Variants in GANC observed in about 807,000 individuals in gnomAD.
GANC encodes the protein neutral alpha-glucosidase C.
In GANC, 117 loss-of-function variants were observed where a neutral mutation model predicts 124.2. The observed-to-expected ratio is 0.94, with a 90% CI of 0.81 to 1.10. The LOEUF (loss-of-function observed/expected upper bound fraction) is 1.10. Among genes scored for constraint, GANC ranks in the 50% least tolerant of loss-of-function variants. The pLI is 0.00. For missense variants in GANC, 1,140 were observed against 1,095.0 expected, an observed-to-expected ratio of 1.04 and a Z score of -0.58; for synonymous variants, 377 against 376.8, an observed-to-expected ratio of 1.00 and a Z score of -0.01.
chr15:42,340,759 G>A lies in GANC; in HGVS notation c.2152+5G>A, dbSNP rs201353813. 7.4e-5 allele frequency: 116 copies of A among 1,567,932 alleles called. No individual in the cohort carries two copies. The Admixed American group carries it at 1.1e-3, about 14-fold the overall frequency. On this transcript the variant is annotated splice_donor_5th_base_variant and intron_variant, in intron 18 of 23. Coordinates refer to ENST00000318010, the MANE Select transcript of GANC (RefSeq NM_198141.3). ...TGGAAGATGAATACATGCTGGGTGA[G>A]CATTTCTGTTTTTTTTTTTTTTTTT...
At chr15:42,349,621 T>G (rs1337410592) in intron 22 of GANC, 126 bp downstream of exon 22, 4 of 649,436 alleles carry the variant, frequency 6.2e-6, no homozygotes, top group Non-Finnish European at 1.1e-5. Flanking sequence ...GAAGGCCGTT[T>G]CCGGAATATT....
chr15:42,299,236 C>A (rs1046443720), intron 6 of GANC, among the ~76,000 whole-genome samples: 1 of 152,046 alleles, frequency 6.6e-6, no homozygotes, highest in South Asian at 2.1e-4. Flanking sequence ...GAGATATGTT[C>A]CATCAATATG....
intron 15 of GANC, among the ~76,000 whole-genome samples, chr15:42,337,575 G>A (rs1465861447): frequency 1.3e-5 from 2 of 152,148 alleles, no homozygotes; most frequent in South Asian, 2.1e-4. Context: ...AGGGTGGGAA[G>A]AGGAAGAGGA....
chr15:42,350,757 T>C (rs747012708), intron 22 of GANC, among the ~76,000 whole-genome samples: 2 of 151,684 alleles, frequency 1.3e-5, no homozygotes, highest in Non-Finnish European at 2.9e-5. Context: ...GGTTTCGTCA[T>C]GTTGGGCAGG....
rs758002876 is a variant in GANC at position 42,349,406 on chromosome 15, T to A, written c.2442T>A (p.Tyr814Ter). 8 of 1,612,444 alleles carry A rather than the reference T, an allele frequency of 5.0e-6. No homozygotes were observed. Among genetic ancestry groups the A allele is most frequent in the Non-Finnish European group, 6.8e-6 (8 of 1,178,582 alleles). The change falls in exon 22 of 24, where the codon TAT (tyrosine) becomes TAA (stop). Residue 814 changes from tyrosine to a stop codon, truncating the protein, a stop_gained. Transcript: ENST00000318010. LOFTEE classifies it high-confidence loss of function. Reference protein sequence around the residue: ...STKGSSVGELYLDDGHSFQYL... With the variant: ...STKGSSVGEL The stretch of plus-strand genomic sequence containing the variant: ...AGGGTTCTTCAGTGGGTGAGTTATA[T>A]CTTGATGATGGCCATTCATTCCAAT...
intron 6 of GANC, among the ~76,000 whole-genome samples, chr15:42,300,023 C>G (rs1056829710): frequency 6.6e-6 from 1 of 152,062 alleles, no homozygotes; most frequent in Non-Finnish European, 1.5e-5. Context: ...AGAAGAAAAC[C>G]TAGACAATAC....
In GANC at chr15:42,340,847, A is replaced by G. The variant is rs145194644; in HGVS notation, c.2152+93A>G. The G allele has an allele frequency of 1.6e-3, 1,529 of 942,832 alleles. 27 individuals carry two copies. The East Asian group carries it at 0.032, about 20-fold the overall frequency. 58.4% of individuals were successfully genotyped at this position (942,832 alleles called of 1,614,324 possible). A position where few individuals can be genotyped will look rare whatever the true frequency, so the allele number is the denominator to read the frequency against. On this transcript the variant is annotated intron_variant, in intron 18 of 23. Transcript: ENST00000318010. Reference sequence around the variant, plus strand: ...AGTGATGCTATCTCGGCTCACTGCAACCTCCGCCTCCCGGTTTCAAGAAAT... The same window carrying G: ...AGTGATGCTATCTCGGCTCACTGCAGCCTCCGCCTCCCGGTTTCAAGAAAT...
intron 22 of GANC, among the ~76,000 whole-genome samples, chr15:42,350,460 A>G (rs753366227): frequency 1.3e-5 from 2 of 151,888 alleles, no homozygotes; most frequent in Non-Finnish European, 2.9e-5. Context: ...CACATTTGTA[A>G]CTTTTGTGTT....
rs374934765 is a variant in GANC, at chr15:42,273,234, G to T, written c.-1248G>T. ...ACCCCTTGCTCCTCTAGGTTCAGAC[G>T]TTAGTGAAGTGAATACTCACCGACG... On this transcript the variant is annotated 5_prime_UTR_variant, in exon 1 of 24. Coordinates refer to ENST00000318010, the MANE Select transcript of GANC (RefSeq NM_198141.3). 6.2e-7 allele frequency: 1 copy of T among 1,612,974 alleles called. No homozygotes were observed. Among genetic ancestry groups the T allele is most frequent in the South Asian group, 1.1e-5 (1 of 91,062 alleles).
At chr15:42,313,453 A>G (rs2052073304) in intron 10 of GANC, among the ~76,000 whole-genome samples, 1 of 152,242 alleles carries the variant, frequency 6.6e-6, no homozygotes, top group Admixed American at 6.5e-5. Context: ...AACCTACAGA[A>G]TGGGAGAAAA....
chr15:42,290,734 G>A (rs2051833121), intron 4 of GANC, among the ~76,000 whole-genome samples: 1 of 152,186 alleles, frequency 6.6e-6, no homozygotes, highest in South Asian at 2.1e-4. Flanking sequence ...CTTGACCCCA[G>A]TGGTTTAAGG....
Position 42,338,420 on chromosome 15 carries a change from A to C in GANC, c.1773A>C (p.Glu591Asp). The C allele has an allele frequency of 6.2e-7, 1 of 1,614,100 alleles. No individual in the cohort carries two copies. The highest frequency in any genetic ancestry group is 8.5e-7 in the Non-Finnish European group (1 of 1,179,948). ...GAVWTGDNTA[E>D]WSNLKISIPM... ...TGTGGACAGGCGACAACACAGCAGA[A>C]TGGAGCAACTTGAAAATTTCTATCC... The change falls in exon 16 of 24, where the codon GAA becomes GAC. Residue 591 changes from glutamate (E) to aspartate (D), a missense_variant. Glu to Asp is a conservative substitution (Grantham distance 45). Coordinates refer to ENST00000318010, the MANE Select transcript of GANC (RefSeq NM_198141.3).
At chr15:42,350,153 C>A (rs528575675) in intron 22 of GANC, among the ~76,000 whole-genome samples, 2 of 151,444 alleles carry the variant, frequency 1.3e-5, no homozygotes, top group Non-Finnish European at 2.9e-5. Flanking sequence ...GCCTCAGCCT[C>A]CCAAGTAGCT....
In GANC at chr15:42,273,242, A is replaced by T; in HGVS notation, c.-1240A>T. The T allele has an allele frequency of 6.2e-7, 1 of 1,613,080 alleles. No homozygotes were observed. Among genetic ancestry groups the T allele is most frequent in the Non-Finnish European group, 8.5e-7 (1 of 1,179,386 alleles). ...CTCCTCTAGGTTCAGACGTTAGTGA[A>T]GTGAATACTCACCGACGGTATCGGA... On this transcript the variant is annotated 5_prime_UTR_variant, in exon 1 of 24. The change creates a new upstream start codon in the 5' untranslated region. Transcript: ENST00000318010.
At chr15:42,340,653 T>TATTA (rs1275565362) in intron 17 of GANC, 37 bp from the exon 18 acceptor site, 1 of 1,460,594 alleles carries the variant, frequency 6.8e-7, no homozygotes, top group East Asian at 2.3e-5. Context: ...ATAAGATGTC[T>TATTA]ATAATGTTAA....
At chr15:42,283,658 G>A (rs901736931) in intron 3 of GANC, 11 of 702,524 alleles carry the variant, frequency 1.6e-5, no homozygotes, top group East Asian at 5.4e-5. Context: ...CAGCTTCTCC[G>A]AGGATGCAGG....
intron 2 of GANC, among the ~76,000 whole-genome samples, chr15:42,276,943 T>G (rs2051677520): frequency 6.6e-6 from 1 of 152,188 alleles, no homozygotes; most frequent in Non-Finnish European, 1.5e-5. Context: ...TGGAGATTGT[T>G]TCTCCTTTTT....
chr15:42,314,467 G>A lies in GANC; in HGVS notation c.1057+3621G>A, dbSNP rs118173739. 4.9e-3 allele frequency: 1,518 copies of A among 310,590 alleles called. 5 individuals carry two copies. Among genetic ancestry groups the A allele is most frequent in the Non-Finnish European group, 6.8e-3 (1,112 of 162,694 alleles). The allele number at this position is 310,590 out of a possible 1,614,324, so 19.2% of individuals were successfully genotyped here. A position where few individuals can be genotyped will look rare whatever the true frequency, so the allele number is the denominator to read the frequency against. ...TTGTGACACAGCTAACTCAGGAGCT[G>A]TTATGGTCCTTGGGTGGCTGTTTCA... On this transcript the variant is annotated intron_variant, in intron 10 of 23. Transcript: ENST00000318010.
At chr15:42,340,059 G>A in intron 17 of GANC, 147 bp downstream of exon 17, 1 of 1,085,936 alleles carries the variant, frequency 9.2e-7, no homozygotes, top group Non-Finnish European at 1.3e-6. Flanking sequence ...AGCTTATTGA[G>A]CAGCGCGGTG....
Sources: allele counts gnomAD v4.1 joint callset (sites outside exome capture counted in the v4.1 genomes callset), GRCh38; gene constraint gnomAD v4.1.1; transcripts MANE v1.5; gene names NCBI Gene and HGNC (gene_info 2026-07-23, HGNC 2026-07-21).